TAPT1: variants seen among roughly 807,000 people sequenced by gnomAD.
TAPT1 encodes the protein transmembrane anterior posterior transformation protein 1 homolog.
A neutral mutation model predicts 65.6 loss-of-function variants in TAPT1; 28 were observed. The observed-to-expected ratio is 0.43, with a 90% CI of 0.32 to 0.59. TAPT1 has a LOEUF of 0.59. Ranked by LOEUF, TAPT1 falls within the 20% of genes least tolerant of loss-of-function variation. TAPT1 has a pLI of 0.09. For missense variants in TAPT1, 563 were observed against 679.9 expected (o/e 0.83, Z 1.91); for synonymous variants, 278 against 245.2 (o/e 1.13, Z -1.25).
At chr4:16,164,040 A>G (rs1747422103) in intron 13 of TAPT1, among the ~76,000 whole-genome samples, 1 of 152,034 alleles carries the variant, frequency 6.6e-6, no homozygotes, top group Admixed American at 6.5e-5. Context: ...AAAACCCCCA[A>G]TGTTCATTTT....
chr4:16,203,767 T>C (rs1388403094), intron 2 of TAPT1, among the ~76,000 whole-genome samples: 6 of 152,264 alleles, frequency 3.9e-5, no homozygotes, highest in Non-Finnish European at 8.8e-5. Flanking sequence ...CCACCCAGTC[T>C]ATGGTACTTT....
chr4:16,191,121 T>C, intron 4 of TAPT1: 1 of 392,838 alleles, frequency 2.5e-6, no homozygotes, highest in Middle Eastern at 3.2e-4. Flanking sequence ...CAGAGGTGTG[T>C]CCCAGACCAG....
intron 3 of TAPT1, among the ~76,000 whole-genome samples, chr4:16,197,535 A>C (rs1005559682): frequency 1.3e-5 from 2 of 152,228 alleles, no homozygotes; most frequent in African/African-American, 4.8e-5. Context: ...TGCCAGGTAA[A>C]TCAAATGTAC....
At chr4:16,169,493 T>C (rs1747854105) in intron 12 of TAPT1, among the ~76,000 whole-genome samples, 1 of 152,232 alleles carries the variant, frequency 6.6e-6, no homozygotes, top group South Asian at 2.1e-4. Context: ...TTAATGTTTT[T>C]TAATGTCAAA....
intron 4 of TAPT1, 92 bp from the exon 5 acceptor site, chr4:16,188,447 T>G: frequency 9.2e-7 from 1 of 1,086,362 alleles, no homozygotes; most frequent in East Asian, 2.7e-5. Context: ...TGGAGATCTG[T>G]GTTTTAAATC....
chr4:16,220,696 C>T (rs1751204803), intron 1 of TAPT1, among the ~76,000 whole-genome samples: 1 of 151,452 alleles, frequency 6.6e-6, no homozygotes, highest in Non-Finnish European at 1.5e-5. Flanking sequence ...TTGCAGTGAG[C>T]CAAGATCGCA....
intron 3 of TAPT1, among the ~76,000 whole-genome samples, chr4:16,200,914 A>G (rs1016967673): frequency 1.5e-4 from 23 of 152,238 alleles, no homozygotes; most frequent in Non-Finnish European, 2.9e-4. Context: ...CTCCCAAAAG[A>G]AAAAAGGATG....
chr4:16,167,746 T>C lies in TAPT1; in HGVS notation c.1314-953A>G, dbSNP rs1747735271. On this transcript the variant is annotated intron_variant, in intron 12 of 13. Transcript: ENST00000405303. Reference sequence around the variant, plus strand: ...ATGGCAAGCAATTTTGTTATTATTGTTGTTATTTATATAACACTGTATCAT... The same window carrying C: ...ATGGCAAGCAATTTTGTTATTATTGCTGTTATTTATATAACACTGTATCAT... 1.3e-5 allele frequency among the ~76,000 whole-genome samples: 2 copies of C among 152,212 alleles called. 1 individual carries two copies. Among genetic ancestry groups the C allele is most frequent in the Non-Finnish European group, 2.9e-5 (2 of 68,036 alleles).
In TAPT1 at chr4:16,163,239, C is replaced by T. The variant is rs1001974563; in HGVS notation, c.*69G>A. On this transcript the variant is annotated 3_prime_UTR_variant, in exon 14 of 14. Transcript: ENST00000405303. ...AATATTTAAGTGCCATGTTTAGCAT[C>T]TATTTGTCCTGGCAACACAGCACTT... 2 of 1,065,912 alleles carry T rather than the reference C, an allele frequency of 1.9e-6. No homozygotes were observed. Among genetic ancestry groups the T allele is most frequent in the Non-Finnish European group, 2.9e-6 (2 of 690,836 alleles). The allele number at this position is 1,065,912 out of a possible 1,614,324, so 66.0% of individuals were successfully genotyped here.
chr4:16,210,925 G>C (rs1750613053), intron 2 of TAPT1, among the ~76,000 whole-genome samples: 1 of 152,078 alleles, frequency 6.6e-6, no homozygotes, highest in African/African-American at 2.4e-5. Context: ...AGAAGTTTAA[G>C]AGTGAAAATA....
intron 10 of TAPT1, 79 bp downstream of exon 10, chr4:16,174,591 A>G (rs1299725586): frequency 1.5e-6 from 2 of 1,291,604 alleles, no homozygotes; most frequent in African/African-American, 1.5e-5. Flanking sequence ...TTAATATTTC[A>G]TGCTAAATTA....
At chr4:16,171,613 G>T (rs1438598709) in intron 11 of TAPT1, among the ~76,000 whole-genome samples, 1 of 152,152 alleles carries the variant, frequency 6.6e-6, no homozygotes, top group Non-Finnish European at 1.5e-5. Flanking sequence ...GAACAATTGG[G>T]AAGAGCTGGG....
At chr4:16,188,910 T>A (rs1749185941) in intron 4 of TAPT1, among the ~76,000 whole-genome samples, 1 of 145,974 alleles carries the variant, frequency 6.9e-6, no homozygotes. Flanking sequence ...ACAGCGCGAC[T>A]CTGACTCAAC....
In TAPT1 at chr4:16,188,345, C is replaced by A. The variant is rs1282881473; in HGVS notation, c.623G>T (p.Arg208Leu). The A allele has an allele frequency of 6.3e-7, 1 of 1,575,316 alleles. No homozygotes were observed. The highest frequency in any genetic ancestry group is 8.6e-7 in the Non-Finnish European group (1 of 1,167,164). Residue 208 changes from arginine to leucine, a missense_variant, in exon 5 of 14, where the codon CGT becomes CTT. This residue lies in a region of TAPT1 where 217 missense variants were observed against 317.5 expected (regional missense o/e 0.68). Coordinates refer to ENST00000405303, the MANE Select transcript of TAPT1 (RefSeq NM_153365.3). The stretch of plus-strand genomic sequence containing the variant: ...GTCTTGTCCAAAAGATGAAAACAGA[C>A]GATCAGCTACCTAAAAAAAAAAATT... ...IIYNMLEVADRLFSSFGQDIL... is the reference protein window; with the variant it reads ...IIYNMLEVADLLFSSFGQDIL...
chr4:16,196,720 C>G lies in TAPT1; in HGVS notation c.450-5197G>C. The G allele has an allele frequency of 3.1e-6, 4 of 1,286,350 alleles. No individual in the cohort carries two copies. In the South Asian group the frequency reaches 3.7e-5, roughly 12 times the overall value. The allele number at this position is 1,286,350 out of a possible 1,614,324, so 79.7% of individuals were successfully genotyped here. ...AAGGAAGTGAAAGTGCTCCTCCCTTCGGTCTGATTTACGAGAGAGAAAGAA... is the reference window on the plus strand; with the variant it reads ...AAGGAAGTGAAAGTGCTCCTCCCTTGGGTCTGATTTACGAGAGAGAAAGAA... On this transcript the variant is annotated intron_variant, in intron 3 of 13. Transcript: ENST00000405303.
chr4:16,191,526 G>T lies in TAPT1; in HGVS notation c.450-3C>A. On this transcript the variant is annotated splice_polypyrimidine_tract_variant and splice_region_variant and intron_variant, in intron 3 of 13. Coordinates refer to ENST00000405303, the MANE Select transcript of TAPT1 (RefSeq NM_153365.3). ...CAGGCTGAAGCAAACGTCTGTCCCT[G>T]AAACATACAAGAAGTAATAAAAATA... 6.4e-7 allele frequency: 1 copy of T among 1,553,468 alleles called. No homozygotes were observed. Among genetic ancestry groups the T allele is most frequent in the South Asian group, 1.2e-5 (1 of 84,122 alleles).
chr4:16,203,833 T>C (rs966954173), intron 2 of TAPT1, among the ~76,000 whole-genome samples: 3 of 152,222 alleles, frequency 2.0e-5, no homozygotes, highest in Admixed American at 1.3e-4. Flanking sequence ...GAATACACTT[T>C]ATTAATTTTT....
At chr4:16,213,208 G>A (rs1296978691) in intron 2 of TAPT1, among the ~76,000 whole-genome samples, 1 of 152,158 alleles carries the variant, frequency 6.6e-6, no homozygotes, top group Non-Finnish European at 1.5e-5. Context: ...TATTTTATTG[G>A]TCTTGATAGG....
chr4:16,168,909 G>GT (rs1196063963), intron 12 of TAPT1, among the ~76,000 whole-genome samples: 3 of 152,268 alleles, frequency 2.0e-5, no homozygotes, highest in African/African-American at 7.2e-5. Context: ...GCTGGCAAGA[G>GT]TGAGTCTGGA....
Sources: gnomAD v4.1 joint callset for allele counts (sites outside exome capture counted in the v4.1 genomes callset) on GRCh38, gnomAD v4.1.1 for gene constraint, gnomAD v4.1.1 regional missense constraint, MANE v1.5 for transcripts, NCBI Gene and HGNC (gene_info 2026-07-23, HGNC 2026-07-21) for gene names.